The following JPT1 variants were observed in gnomAD, a reference collection of about 807,000 sequenced individuals.
The protein encoded by JPT1 is Jupiter microtubule associated homolog 1, also known as androgen-regulated protein 2.
In JPT1, 5 loss-of-function variants were observed where a neutral mutation model predicts 17.0. The ratio of observed to expected loss-of-function variants is 0.29; its 90% confidence interval spans 0.15 to 0.62. JPT1 has a LOEUF of 0.62. Ranked by LOEUF, JPT1 falls within the 20% of genes least tolerant of loss-of-function variation. The pLI, the probability that JPT1 is intolerant of heterozygous loss-of-function variation, is 0.85. For missense variants in JPT1, 158 were observed against 188.1 expected, an observed-to-expected ratio of 0.84 and a Z score of 0.94; for synonymous variants, 71 against 73.6, an observed-to-expected ratio of 0.96 and a Z score of 0.18.
chr17:75,147,090 C>T (rs1368158047), intron 3 of JPT1, among the ~76,000 whole-genome samples: 2 of 152,046 alleles, frequency 1.3e-5, no homozygotes, highest in Non-Finnish European at 2.9e-5. Context: ...TCTCTCCCCA[C>T]TCAGACAGGT....
At chr17:75,136,488 T>G (rs76540467) in intron 4 of JPT1, among the ~76,000 whole-genome samples, 1,599 of 151,034 alleles carry the variant, frequency 0.011, 30 homozygotes, top group South Asian at 0.084. Flanking sequence ...GGACATGAAG[T>G]TTTTTTTTGT....
At chr17:75,151,268 G>A (rs779997163) in intron 1 of JPT1, among the ~76,000 whole-genome samples, 3 of 152,078 alleles carry the variant, frequency 2.0e-5, no homozygotes, top group Non-Finnish European at 4.4e-5. Context: ...TGTAGGAGGC[G>A]GAGCCTACAG....
At chr17:75,142,052 G>C (rs2074322754) in intron 4 of JPT1, among the ~76,000 whole-genome samples, 1 of 152,020 alleles carries the variant, frequency 6.6e-6, no homozygotes, top group South Asian at 2.1e-4. Context: ...CTGGGTGACA[G>C]AGCAAGGCTC....
At chr17:75,139,182 C>T (rs577066620) in intron 4 of JPT1, among the ~76,000 whole-genome samples, 3 of 152,270 alleles carry the variant, frequency 2.0e-5, no homozygotes, top group Admixed American at 6.5e-5. Context: ...AAAGAGAATT[C>T]GGACTGAGAC....
At chr17:75,149,512 C>A (rs932236206) in intron 1 of JPT1, among the ~76,000 whole-genome samples, 17 of 152,074 alleles carry the variant, frequency 1.1e-4, no homozygotes, top group Admixed American at 2.0e-4. Context: ...GGACTACAGG[C>A]GCCCGCCACC....
chr17:75,152,645 CT>C (rs1288482249), intron 1 of JPT1, among the ~76,000 whole-genome samples: 1 of 152,188 alleles, frequency 6.6e-6, no homozygotes, highest in Non-Finnish European at 1.5e-5. Context: ...TACTGAAATT[CT>C]TTACAAAACA....
intron 1 of JPT1, chr17:75,152,842 A>T (rs545902968): frequency 6.6e-6 from 1 of 152,320 alleles, no homozygotes; most frequent in African/African-American, 2.4e-5. Context: ...CCAGTTTCCT[A>T]GGTCTGTGCT....
intron 4 of JPT1, 67 bp from the exon 5 acceptor site, chr17:75,136,317 GTTTCTCTT>G: frequency 1.4e-6 from 2 of 1,437,190 alleles, no homozygotes; most frequent in Non-Finnish European, 1.9e-6. Flanking sequence ...TCAAGGATCT[GTTTCTCTT>G]TTTCTTTTTT....
intron 1 of JPT1, among the ~76,000 whole-genome samples, chr17:75,149,884 CT>C (rs967231034): frequency 1.5e-4 from 22 of 148,992 alleles, no homozygotes; most frequent in Non-Finnish European, 2.5e-4. Flanking sequence ...CACACACACA[CT>C]TAAGTCAGCT....
intron 4 of JPT1, chr17:75,145,825 C>G (rs757655172): frequency 1.3e-5 from 2 of 152,242 alleles, no homozygotes; most frequent in East Asian, 3.8e-4. Context: ...CCAGTAATAG[C>G]AGCACTTGGG....
chr17:75,147,753 C>A, intron 2 of JPT1, 100 bp from the exon 3 acceptor site: 2 of 888,660 alleles, frequency 2.3e-6, no homozygotes, highest in Non-Finnish European at 3.6e-6. Flanking sequence ...AATCTCAGTG[C>A]TTTAGGAGGC....
chr17:75,136,566 A>G (rs1331821000), intron 4 of JPT1, among the ~76,000 whole-genome samples: 1 of 152,154 alleles, frequency 6.6e-6, no homozygotes, highest in African/African-American at 2.4e-5. Context: ...GTCTTGGCTC[A>G]CTGCAACCTC....
intron 2 of JPT1, among the ~76,000 whole-genome samples, chr17:75,148,145 C>T (rs1272308974): frequency 6.6e-6 from 1 of 152,230 alleles, no homozygotes; most frequent in African/African-American, 2.4e-5. Flanking sequence ...TCTGATCCAT[C>T]ACACAGCCTC....
At chr17:75,154,306 G>C in intron 1 of JPT1, 36 bp downstream of exon 1, 1 of 1,524,108 alleles carries the variant, frequency 6.6e-7, no homozygotes, top group Non-Finnish European at 8.8e-7. Context: ...CAGCCCCTCA[G>C]CCCCGCGCGG....
Position 75,135,488 on chromosome 17 carries a change from C to G in JPT1, c.*614G>C, listed in dbSNP as rs1386815021. 6.6e-6 allele frequency: 1 copy of G among 152,296 alleles called. No individual in the cohort carries two copies. The highest frequency in any genetic ancestry group is 1.5e-5 in the Non-Finnish European group (1 of 68,102). The allele number at this position is 152,296 out of a possible 1,614,324, so 9.4% of individuals were successfully genotyped here. A position where few individuals can be genotyped will look rare whatever the true frequency, so the allele number is the denominator to read the frequency against. ...AGTTTCATTGTACATCCAAGCCTTC[C>G]TCTGCGTGAGAGCAAAGGCTTTGCT... On this transcript the variant is annotated 3_prime_UTR_variant, in exon 5 of 5. Coordinates refer to ENST00000409753, the MANE Select transcript of JPT1 (RefSeq NM_016185.4).
Position 75,147,585 on chromosome 17 carries a change from C to T in JPT1, c.268G>A (p.Ala90Thr), listed in dbSNP as rs745404718. The change falls in exon 3 of 5, where the codon GCA (alanine) becomes ACA (threonine). Residue 90 changes from alanine to threonine, a missense_variant. Transcript: ENST00000409753. ...SGLQRRNSSEASSGDFLDLKG... is the reference protein window; with the variant it reads ...SGLQRRNSSETSSGDFLDLKG... ...AGATCTAAGAAGTCTCCGGAGCTTGCTTCAGAGGAGTTCCTTCTCTGCAGT... is the reference window on the plus strand; with the variant it reads ...AGATCTAAGAAGTCTCCGGAGCTTGTTTCAGAGGAGTTCCTTCTCTGCAGT... 4 of 1,613,998 alleles carry T rather than the reference C, an allele frequency of 2.5e-6. No individual in the cohort carries two copies. Among genetic ancestry groups the T allele is most frequent in the Non-Finnish European group, 3.4e-6 (4 of 1,179,890 alleles).
chr17:75,153,661 G>A (rs2074588104), intron 1 of JPT1: 1 of 152,162 alleles, frequency 6.6e-6, no homozygotes, highest in African/African-American at 2.4e-5. Flanking sequence ...TTGTTAGGAA[G>A]GGGAGACACT....
At position 75,135,941 on chromosome 17, in the gene JPT1, G is replaced by C. The variant is rs959314200; in HGVS notation, c.*161C>G. On this transcript the variant is annotated 3_prime_UTR_variant, in exon 5 of 5. Coordinates refer to ENST00000409753, the MANE Select transcript of JPT1 (RefSeq NM_016185.4). Reference sequence around the variant, plus strand: ...CCCACAGACCCAAGAGTCAAGGACAGAGAGAAACCTGTTCTTCAAAAGAAA... The same window carrying C: ...CCCACAGACCCAAGAGTCAAGGACACAGAGAAACCTGTTCTTCAAAAGAAA... The C allele has an allele frequency of 3.3e-6, 5 of 1,507,378 alleles. No homozygotes were observed. The highest frequency in any genetic ancestry group is 4.5e-6 in the Non-Finnish European group (5 of 1,113,546). 93.4% of individuals were successfully genotyped at this position (1,507,378 alleles called of 1,614,324 possible). A position where few individuals can be genotyped will look rare whatever the true frequency, so the allele number is the denominator to read the frequency against.
At chr17:75,154,247 C>T in intron 1 of JPT1, 95 bp downstream of exon 1, 10 of 1,013,624 alleles carry the variant, frequency 9.9e-6, no homozygotes, top group Non-Finnish European at 1.3e-5. Flanking sequence ...GCGCACGGGG[C>T]TCGTTACCCG....
Sources: allele counts gnomAD v4.1 joint callset (sites outside exome capture counted in the v4.1 genomes callset), GRCh38; gene constraint gnomAD v4.1.1; transcripts MANE v1.5; gene names NCBI Gene and HGNC (gene_info 2026-07-23, HGNC 2026-07-21).